PLCL1: variants seen among roughly 807,000 people sequenced by gnomAD.
PLCL1 encodes the protein inactive phospholipase C-like protein 1.
In PLCL1, 41 loss-of-function variants were observed where a neutral mutation model predicts 84.4. The observed-to-expected ratio is 0.49, with a 90% CI of 0.38 to 0.63. The LOEUF is 0.63. Ranked by LOEUF, PLCL1 falls within the 30% of genes least tolerant of loss-of-function variation. The probability of loss-of-function intolerance (pLI) is 0.00; values close to 1 mark genes in which losing one functional copy is unlikely to be tolerated. For synonymous variants in PLCL1, 490 were observed against 488.3 expected (o/e 1.00, Z -0.05); for missense variants, 1,206 against 1,367.8 (o/e 0.88, Z 1.87).
chr2:197,960,921 C>T (rs1689607715), intron 1 of PLCL1, among the ~76,000 whole-genome samples: 2 of 152,172 alleles, frequency 1.3e-5, no homozygotes, highest in African/African-American at 4.8e-5. Flanking sequence ...ATGTTAGAAT[C>T]TCTGTCAGTT....
rs192841289 is a variant in PLCL1, at chr2:198,020,520, C to G, written c.241-63238C>G. On this transcript the variant is annotated intron_variant, in intron 1 of 5. Coordinates refer to ENST00000428675, the MANE Select transcript of PLCL1 (RefSeq NM_006226.4). ...CTCATGTGCAAAGACACACATGGCT[C>G]AAAATAAAGGGATGGAGGAATATTT... 3.1e-3 allele frequency among the ~76,000 whole-genome samples: 426 copies of G among 137,930 alleles called. 4 individuals carry two copies. The highest frequency in any genetic ancestry group is 0.011 in the African/African-American group (402 of 36,632). 90.5% of individuals were successfully genotyped at this position (137,930 alleles called of 152,430 possible).
chr2:197,842,535 C>A (rs1399641827), intron 1 of PLCL1, among the ~76,000 whole-genome samples: 1 of 152,150 alleles, frequency 6.6e-6, no homozygotes, highest in Non-Finnish European at 1.5e-5. Context: ...ACTAATGTTC[C>A]AGCTTCAAAA....
intron 1 of PLCL1, among the ~76,000 whole-genome samples, chr2:197,910,814 G>A (rs904287900): frequency 2.0e-5 from 3 of 152,150 alleles, no homozygotes; most frequent in Non-Finnish European, 2.9e-5. Flanking sequence ...AGTGTTCAAT[G>A]TAACGCATAT....
chr2:198,039,315 T>C lies in PLCL1; in HGVS notation c.241-44443T>C, dbSNP rs971045096. ...TGCCCATAGCTTATGCCAAGCAGCA[T>C]GGATTATACATTTTTGATACCTGTA... On this transcript the variant is annotated intron_variant, in intron 1 of 5. Coordinates refer to ENST00000428675, the MANE Select transcript of PLCL1 (RefSeq NM_006226.4). Among the ~76,000 whole-genome samples the C allele has an allele frequency of 2.6e-5, 4 of 152,166 alleles. No homozygotes were observed. In the South Asian group the frequency reaches 8.3e-4, roughly 31 times the overall value.
chr2:198,069,111 A>G (rs190747183), intron 1 of PLCL1, among the ~76,000 whole-genome samples: 4 of 152,154 alleles, frequency 2.6e-5, no homozygotes, highest in Admixed American at 2.6e-4. Flanking sequence ...CTCAAATTTC[A>G]TAAGATTTTG....
At chr2:198,034,070 T>A (rs1461066573) in intron 1 of PLCL1, among the ~76,000 whole-genome samples, 1 of 152,198 alleles carries the variant, frequency 6.6e-6, no homozygotes, top group East Asian at 1.9e-4. Flanking sequence ...TATGTATACA[T>A]GTACCATGTT....
At chr2:198,106,496 T>C (rs1449938186) in intron 5 of PLCL1, among the ~76,000 whole-genome samples, 4 of 151,814 alleles carry the variant, frequency 2.6e-5, no homozygotes, top group Non-Finnish European at 5.9e-5. Context: ...AGAGCTGTAG[T>C]GTTAAAGAGG....
chr2:198,105,070 C>G (rs1392346075), intron 5 of PLCL1, among the ~76,000 whole-genome samples: 1 of 151,878 alleles, frequency 6.6e-6, no homozygotes, highest in Non-Finnish European at 1.5e-5. Flanking sequence ...CTTTTGGTGT[C>G]TTTGTCATGA....
intron 1 of PLCL1, among the ~76,000 whole-genome samples, chr2:197,923,188 C>A (rs1193891693): frequency 7.0e-6 from 1 of 141,888 alleles, no homozygotes; most frequent in South Asian, 2.3e-4. Context: ...CCGGACGGGG[C>A]GGCTGGCCGG....
At chr2:197,881,519 C>CTGTGTGTGTGTGTGTGTGTG (rs1235240080) in intron 1 of PLCL1, among the ~76,000 whole-genome samples, 2 of 120,026 alleles carry the variant, frequency 1.7e-5, no homozygotes, top group African/African-American at 6.6e-5. Flanking sequence ...AGGAACAGTG[C>CTGTGTGTGTGTGTGTGTGTG]TCTGTGTGTG....
intron 1 of PLCL1, among the ~76,000 whole-genome samples, chr2:197,839,992 T>C (rs1686957736): frequency 6.6e-6 from 1 of 152,246 alleles, no homozygotes; most frequent in South Asian, 2.1e-4. Context: ...ATTTTTCTTC[T>C]CTACAAGAAC....
intron 1 of PLCL1, among the ~76,000 whole-genome samples, chr2:198,068,604 T>C (rs569813616): frequency 1.3e-5 from 2 of 152,354 alleles, no homozygotes; most frequent in South Asian, 2.1e-4. Flanking sequence ...AATGAACTTA[T>C]GTAACAACCA....
rs560874172 is a variant in PLCL1 at position 197,813,007 on chromosome 2, G to A, written c.240+7668G>A. Reference sequence around the variant, plus strand: ...CCCAGATCTGACAGCCGATGATGAGGGTGCGCACACCTTCTAGGGTGTAAT... The same window carrying A: ...CCCAGATCTGACAGCCGATGATGAGAGTGCGCACACCTTCTAGGGTGTAAT... On this transcript the variant is annotated intron_variant, in intron 1 of 5. Coordinates refer to ENST00000428675, the MANE Select transcript of PLCL1 (RefSeq NM_006226.4). 1.2e-3 allele frequency among the ~76,000 whole-genome samples: 183 copies of A among 152,204 alleles called. 4 individuals carry two copies. The highest frequency in any genetic ancestry group is 6.8e-3 in the Middle Eastern group (2 of 294).
chr2:197,968,399 A>T (rs1469714596), intron 1 of PLCL1, among the ~76,000 whole-genome samples: 2 of 152,202 alleles, frequency 1.3e-5, no homozygotes, highest in Admixed American at 6.5e-5. Context: ...TGGTAATAAC[A>T]AAAATATTTG....
chr2:198,064,050 T>G (rs1372140697), intron 1 of PLCL1, among the ~76,000 whole-genome samples: 1 of 152,214 alleles, frequency 6.6e-6, no homozygotes, highest in Non-Finnish European at 1.5e-5. Context: ...TACAAACTTT[T>G]ATTCAACAAG....
intron 1 of PLCL1, among the ~76,000 whole-genome samples, chr2:198,051,237 T>C (rs1691922333): frequency 6.6e-6 from 1 of 152,186 alleles, no homozygotes; most frequent in Non-Finnish European, 1.5e-5. Context: ...ATAGGTTCTA[T>C]GGGGACTTTA....
intron 1 of PLCL1, among the ~76,000 whole-genome samples, chr2:197,971,232 A>G (rs1018789104): frequency 6.6e-6 from 1 of 152,236 alleles, no homozygotes; most frequent in Non-Finnish European, 1.5e-5. Flanking sequence ...GAAACAGAAA[A>G]AGAGAAATGG....
intron 1 of PLCL1, among the ~76,000 whole-genome samples, chr2:198,038,445 T>C (rs1366285598): frequency 6.6e-6 from 1 of 152,180 alleles, no homozygotes; most frequent in African/African-American, 2.4e-5. Context: ...TATACATAGT[T>C]CATGGCTGGG....
chr2:197,926,209 A>G (rs1559047315), intron 1 of PLCL1, among the ~76,000 whole-genome samples: 1 of 152,202 alleles, frequency 6.6e-6, no homozygotes, highest in Non-Finnish European at 1.5e-5. Flanking sequence ...AGAGCCCCAA[A>G]CCAACCCTGT....
Sources: gnomAD v4.1 joint callset for allele counts (sites outside exome capture counted in the v4.1 genomes callset) on GRCh38, gnomAD v4.1.1 for gene constraint, MANE v1.5 for transcripts, NCBI Gene and HGNC (gene_info 2026-07-23, HGNC 2026-07-21) for gene names.